GNAS: variants seen among roughly 807,000 people sequenced by gnomAD.
GNAS encodes GNAS complex locus, also known as protein ALEX.
GNAS carries 8 observed loss-of-function variants against 54.5 expected under a neutral mutation model. The ratio of observed to expected loss-of-function variants is 0.15; its 90% CI spans 0.09 to 0.26. The LOEUF is 0.26. Ranked by LOEUF, GNAS falls within the 10% of genes least tolerant of loss-of-function variation. The pLI is 1.00. For missense variants in GNAS, 170 were observed against 529.8 expected (o/e 0.32, Z 6.67); for synonymous variants, 204 against 191.4 (o/e 1.07, Z -0.54).
intron 6 of GNAS, among the ~76,000 whole-genome samples, chr20:58,906,542 A>T (rs537750601): frequency 1.7e-4 from 26 of 152,126 alleles, no homozygotes; most frequent in Non-Finnish European, 3.4e-4. Context: ...CATTATTATT[A>T]TTTTTTTGAA....
At chr20:58,899,337 A>G (rs1468970916) in intron 3 of GNAS, 1 of 502,840 alleles carries the variant, frequency 2.0e-6, no homozygotes. Flanking sequence ...TTTTAAAACT[A>G]TCTACTAAAT....
intron 1 of GNAS, chr20:58,877,037 T>C (rs2087867510): frequency 6.6e-6 from 1 of 152,246 alleles, no homozygotes; most frequent in Non-Finnish European, 1.5e-5. Flanking sequence ...AGGACCACTT[T>C]AGCAAATGAG....
chr20:58,853,914 A>T lies in GNAS; in HGVS notation c.43+13028A>T, dbSNP rs758957766. ...AAAGGCTGGCTCCAGAGGAGGCTAC[A>T]GCCCTCCCCCTGAGGAGACTATGCC... On this transcript the variant is annotated intron_variant, in intron 1 of 12. Transcript: ENST00000306090. This position sits in a 1 kb window ranked among gnomAD's most constrained non-coding sequence, Gnocchi z 4.4. 2 of 1,608,668 alleles carry T rather than the reference A, an allele frequency of 1.2e-6. No homozygotes were observed. The highest frequency in any genetic ancestry group is 8.5e-7 in the Non-Finnish European group (1 of 1,177,978).
At position 58,899,426 on chromosome 20, in the gene GNAS, G is replaced by A. The variant is rs749822909; in HGVS notation, c.257+441G>A. On this transcript the variant is annotated intron_variant, in intron 3 of 12. Transcript: ENST00000371085. The stretch of plus-strand genomic sequence containing the variant: ...AAATTTGTTTCCTTTATTAAAATAT[G>A]CAATGCTGCACCGTCTTTAATTTTG... The A allele has an allele frequency of 1.8e-4, 92 of 520,892 alleles. 2 individuals are homozygous for A. Among genetic ancestry groups the A allele is most frequent in the South Asian group, 1.4e-3 (92 of 67,182 alleles). The allele number at this position is 520,892 out of a possible 1,614,324, so 32.3% of individuals were successfully genotyped here.
chr20:58,859,762 G>T (rs2086686815), intron 1 of GNAS, among the ~76,000 whole-genome samples: 1 of 151,702 alleles, frequency 6.6e-6, no homozygotes, highest in African/African-American at 2.4e-5. Context: ...GAGTAGCTAG[G>T]ATTACAGGTG....
At chr20:58,867,991 G>A (rs1409517333) in intron 1 of GNAS, among the ~76,000 whole-genome samples, 6 of 151,670 alleles carry the variant, frequency 4.0e-5, no homozygotes. Flanking sequence ...ACATATAGCA[G>A]ATAGTGGACA....
At chr20:58,871,613 GAA>G (rs757702769) in intron 1 of GNAS, among the ~76,000 whole-genome samples, 21 of 32,744 alleles carry the variant, frequency 6.4e-4, no homozygotes, top group African/African-American at 1.8e-3. Context: ...ATACTCCGTC[GAA>G]AAAAAAAAAA....
chr20:58,908,856 C>A lies in GNAS; in HGVS notation c.531-306C>A, dbSNP rs2091250149. On this transcript the variant is annotated intron_variant, in intron 6 of 12. Transcript: ENST00000371085. ...AAAAATAAACACGAAGAACAAAGCC[C>A]CACCACCGTGCTGTGCTGTTTGTGT... is the stretch of plus-strand genomic sequence containing the variant. The A allele has an allele frequency of 6.5e-5, 30 of 458,420 alleles. No individual in the cohort carries two copies. In the South Asian group the frequency reaches 7.5e-4, roughly 11 times the overall value. The allele number at this position is 458,420 out of a possible 1,614,324, so 28.4% of individuals were successfully genotyped here.
intron 3 of GNAS, among the ~76,000 whole-genome samples, chr20:58,899,709 C>T (rs1015867056): frequency 2.0e-5 from 3 of 151,832 alleles, no homozygotes; most frequent in Admixed American, 6.6e-5. Context: ...ACACATCACA[C>T]GCACACACAG....
At chr20:58,903,384 G>A in intron 3 of GNAS, 147 bp from the exon 4 acceptor site, 1 of 765,182 alleles carries the variant, frequency 1.3e-6, no homozygotes, top group Non-Finnish European at 2.3e-6. Context: ...TGTTTATTCA[G>A]CTACCTCCAA....
Position 58,899,003 on chromosome 20 carries a change from C to CATA in GNAS, c.257+19_257+20insTAA, listed in dbSNP as rs779214463. On this transcript the variant is annotated intron_variant, in intron 3 of 12. Transcript: ENST00000371085. ...AGCGATGGGTAGGCACATTCAAAAC[C>CATA]AGAAAAAATTGTTAACAAACCAAAC... 1 of 1,601,538 alleles carries CATA rather than the reference C, an allele frequency of 6.2e-7. No individual in the cohort carries two copies. Among genetic ancestry groups the CATA allele is most frequent in the Admixed American group, 1.7e-5 (1 of 59,996 alleles).
chr20:58,874,531 A>G (rs549259018), intron 1 of GNAS, among the ~76,000 whole-genome samples: 1 of 152,282 alleles, frequency 6.6e-6, no homozygotes, highest in Admixed American at 6.5e-5. Flanking sequence ...TTCATCCTCC[A>G]TCTTAGCTCC....
intron 1 of GNAS, chr20:58,892,167 T>G (rs892855795): frequency 1.0e-6 from 1 of 964,380 alleles, no homozygotes; most frequent in African/African-American, 1.8e-5. Flanking sequence ...CTTTCTCTCT[T>G]TCTCTCTTTT....
intron 1 of GNAS, among the ~76,000 whole-genome samples, chr20:58,851,955 C>A (rs1282306670): frequency 6.6e-6 from 1 of 152,174 alleles, no homozygotes; most frequent in African/African-American, 2.4e-5. Context: ...GGGTTCAGTG[C>A]GCACAGCGTT....
chr20:58,893,260 T>A (rs891196933), intron 1 of GNAS, among the ~76,000 whole-genome samples: 1 of 149,522 alleles, frequency 6.7e-6, no homozygotes, highest in Non-Finnish European at 1.5e-5. Context: ...AAAATAATAA[T>A]AAAATAAAAA....
intron 3 of GNAS, among the ~76,000 whole-genome samples, chr20:58,902,781 G>C (rs537504083): frequency 1.5e-5 from 2 of 131,194 alleles, no homozygotes; most frequent in East Asian, 4.6e-4. Flanking sequence ...GCCCTGGCTG[G>C]AGTGCAGTGG....
chr20:58,893,609 A>ATT (rs1476460744), intron 1 of GNAS, among the ~76,000 whole-genome samples: 1 of 152,244 alleles, frequency 6.6e-6, no homozygotes, highest in African/African-American at 2.4e-5. Context: ...AAAATTACTA[A>ATT]TTAAGTCAAA....
intron 3 of GNAS, chr20:58,900,078 A>C (rs530628719): frequency 2.4e-4 from 84 of 356,582 alleles, no homozygotes; most frequent in East Asian, 1.1e-3. Flanking sequence ...CTGAGGGGGG[A>C]GGGGGGATGG....
At chr20:58,881,540 T>C (rs1218877604) in intron 1 of GNAS, among the ~76,000 whole-genome samples, 1 of 152,162 alleles carries the variant, frequency 6.6e-6, no homozygotes, top group African/African-American at 2.4e-5. Context: ...TGGGCTGGCC[T>C]TGGACATTTC....
Sources: gnomAD v4.1 joint callset for allele counts (sites outside exome capture counted in the v4.1 genomes callset) on GRCh38, gnomAD v4.1.1 for gene constraint, Gnocchi (gnomAD v3.1) non-coding constraint, MANE v1.5 for transcripts, NCBI Gene and HGNC (gene_info 2026-07-23, HGNC 2026-07-21) for gene names.